GALNTL5: variants seen among roughly 807,000 people sequenced by gnomAD.
GALNTL5 encodes the protein inactive polypeptide N-acetylgalactosaminyltransferase-like protein 5.
Under a neutral mutation model 51.0 loss-of-function variants are expected in GALNTL5, and 44 were observed. That is an observed-to-expected ratio of 0.86 (90% confidence interval 0.68 to 1.11). The LOEUF (loss-of-function observed/expected upper bound fraction) is 1.11. GALNTL5 is among the 50% of genes least tolerant of loss of function. The pLI is 0.00. For missense variants in GALNTL5, 528 were observed against 531.8 expected (o/e 0.99, Z 0.07); for synonymous variants, 192 against 182.8 (o/e 1.05, Z -0.41).
At chr7:152,014,559 C>A in intron 7 of GALNTL5, 85 bp from the exon 8 acceptor site, 1 of 1,346,424 alleles carries the variant, frequency 7.4e-7, no homozygotes, top group Non-Finnish European at 1.0e-6. Context: ...TGAGCCACCG[C>A]ACCTGGCCAT....
chr7:152,007,832 C>G lies in GALNTL5; in HGVS notation c.914C>G (p.Pro305Arg). The G allele has an allele frequency of 6.3e-7, 1 of 1,581,340 alleles. No homozygotes were observed. The highest frequency in any genetic ancestry group is 8.7e-7 in the Non-Finnish European group (1 of 1,150,618). The change falls in exon 7 of 9, where the codon CCT becomes CGT. Residue 305 changes from proline (P) to arginine (R), a missense_variant. Transcript: ENST00000392800. ...TATTTATGTCCCCTTTCTAGGTCAC[C>G]TGCAATGTCTGGAGGAATTTTTGCT... The part of the protein sequence containing the change: ...PEGSTKPIRS[P>R]AMSGGIFAIR...
chr7:151,973,014 G>A, intron 3 of GALNTL5, among the ~76,000 whole-genome samples: 1 of 152,030 alleles, frequency 6.6e-6, no homozygotes, highest in East Asian at 1.9e-4. Flanking sequence ...AAAGACACAG[G>A]CACTCAACAC....
chr7:151,969,325 T>A (rs2081098501), intron 2 of GALNTL5, among the ~76,000 whole-genome samples: 1 of 152,244 alleles, frequency 6.6e-6, no homozygotes, highest in South Asian at 2.1e-4. Context: ...AAGGCCATGA[T>A]CTATTTCGAG....
chr7:151,993,460 T>C (rs2081453750), intron 5 of GALNTL5, among the ~76,000 whole-genome samples: 1 of 152,160 alleles, frequency 6.6e-6, no homozygotes, highest in Admixed American at 6.5e-5. Context: ...CCACATTGTC[T>C]TCTTTTTTTT....
intron 7 of GALNTL5, among the ~76,000 whole-genome samples, chr7:152,014,293 T>G (rs574580422): frequency 6.6e-6 from 1 of 152,334 alleles, no homozygotes; most frequent in South Asian, 2.1e-4. Context: ...GTTTTTGAGA[T>G]GGAGTGTCGC....
intron 8 of GALNTL5, among the ~76,000 whole-genome samples, chr7:152,019,304 C>T (rs1266387876): frequency 6.6e-6 from 1 of 152,110 alleles, no homozygotes; most frequent in East Asian, 1.9e-4. Context: ...CTGATGAGGA[C>T]CAGGGACTAA....
At chr7:151,970,070 A>G (rs906870469) in intron 2 of GALNTL5, among the ~76,000 whole-genome samples, 1 of 151,406 alleles carries the variant, frequency 6.6e-6, no homozygotes, top group African/African-American at 2.4e-5. Context: ...TCAGCCTCCC[A>G]AAGTGCTGGG....
chr7:151,979,656 C>A (rs2081254841), intron 3 of GALNTL5, among the ~76,000 whole-genome samples: 1 of 152,074 alleles, frequency 6.6e-6, no homozygotes, highest in African/African-American at 2.4e-5. Context: ...GGGGTTTCAC[C>A]ATGTTAGCCA....
chr7:152,019,462 G>C (rs1401485822), intron 8 of GALNTL5, among the ~76,000 whole-genome samples, 184 bp from the exon 9 acceptor site: 2 of 152,194 alleles, frequency 1.3e-5, no homozygotes, highest in African/African-American at 2.4e-5. Context: ...CATATGCAGG[G>C]TGGGTAAATC....
At chr7:151,965,130 G>A (rs755766057) in intron 1 of GALNTL5, among the ~76,000 whole-genome samples, 5 of 152,252 alleles carry the variant, frequency 3.3e-5, no homozygotes, top group Middle Eastern at 3.4e-3. Context: ...ATACTAACAC[G>A]TGGCTTTCCC....
intron 8 of GALNTL5, among the ~76,000 whole-genome samples, chr7:152,017,421 G>A (rs1299208042): frequency 1.3e-5 from 2 of 152,158 alleles, no homozygotes; most frequent in South Asian, 2.1e-4. Context: ...ACTTCATCAC[G>A]TGGTACATGA....
intron 1 of GALNTL5, among the ~76,000 whole-genome samples, chr7:151,965,831 G>A (rs1242530021): frequency 6.6e-6 from 1 of 152,124 alleles, no homozygotes. Flanking sequence ...AGGCTGCAGT[G>A]AGCCATGTTT....
intron 6 of GALNTL5, among the ~76,000 whole-genome samples, chr7:152,005,221 CTTA>C (rs2081628774): frequency 7.9e-6 from 1 of 126,472 alleles, no homozygotes; most frequent in Non-Finnish European, 1.8e-5. Flanking sequence ...TTTTGGAAAA[CTTA>C]ACACACACAC....
chr7:152,019,363 C>G (rs1196069264), intron 8 of GALNTL5, among the ~76,000 whole-genome samples: 2 of 152,144 alleles, frequency 1.3e-5, no homozygotes, highest in Admixed American at 1.3e-4. Flanking sequence ...AAGGGGATAC[C>G]GCAATAGGTG....
chr7:152,007,011 A>G (rs1043061350), intron 6 of GALNTL5, among the ~76,000 whole-genome samples: 3 of 152,078 alleles, frequency 2.0e-5, no homozygotes, highest in African/African-American at 7.2e-5. Flanking sequence ...CAAATGATCC[A>G]CCAGCCTCAG....
chr7:151,971,142 G>A lies in GALNTL5; in HGVS notation c.368+77G>A, dbSNP rs983661438. ...AGATAGATAGATAGATAGATAGAAA[G>A]AAAACAGTTACTAACCAGATTTTAA... On this transcript the variant is annotated intron_variant, in intron 3 of 8. Coordinates refer to ENST00000392800, the MANE Select transcript of GALNTL5 (RefSeq NM_145292.4). The A allele has an allele frequency of 5.9e-6, 7 of 1,188,682 alleles. No homozygotes were observed. The African/African-American group carries it at 1.1e-4, about 19-fold the overall frequency. 73.6% of individuals were successfully genotyped at this position (1,188,682 alleles called of 1,614,324 possible).
chr7:151,971,714 G>A (rs1487645917), intron 3 of GALNTL5, among the ~76,000 whole-genome samples: 1 of 152,142 alleles, frequency 6.6e-6, no homozygotes, highest in Non-Finnish European at 1.5e-5. Flanking sequence ...GGAGGGACCT[G>A]GTGGAAGGTG....
intron 5 of GALNTL5, among the ~76,000 whole-genome samples, chr7:151,990,350 T>G (rs2151950769): frequency 6.6e-6 from 1 of 151,832 alleles, no homozygotes; most frequent in South Asian, 2.1e-4. Flanking sequence ...GGCTAGAAAT[T>G]TTTAAGTCTT....
chr7:152,016,894 C>T (rs555741615), intron 8 of GALNTL5, among the ~76,000 whole-genome samples: 378 of 151,792 alleles, frequency 2.5e-3, no homozygotes, highest in Non-Finnish European at 3.8e-3. Context: ...AAAAATTAGC[C>T]GGGCATGGTG....
Sources: allele counts gnomAD v4.1 joint callset (sites outside exome capture counted in the v4.1 genomes callset), GRCh38; gene constraint gnomAD v4.1.1; transcripts MANE v1.5; gene names NCBI Gene and HGNC (gene_info 2026-07-23, HGNC 2026-07-21).